Variants in RIC1 observed in about 807,000 individuals in gnomAD.
RIC1 encodes RIC1 partner of RAB6A GEF complex, also known as guanine nucleotide exchange factor subunit RIC1.
Under a neutral mutation model 169.0 loss-of-function variants are expected in RIC1, and 88 were observed. The observed-to-expected ratio is 0.52, with a 90% CI of 0.44 to 0.62. The LOEUF (loss-of-function observed/expected upper bound fraction) is 0.62, where lower values mean the gene tolerates loss of function less well. RIC1 is among the 20% of genes least tolerant of loss of function. RIC1 has a pLI of 0.00. For missense variants in RIC1, 1,877 were observed against 1,725.5 expected, an observed-to-expected ratio of 1.09 and a Z score of -1.56; for synonymous variants, 790 against 601.5, an observed-to-expected ratio of 1.31 and a Z score of -4.59.
chr9:5,688,221 C>G (rs1821369411), intron 2 of RIC1, among the ~76,000 whole-genome samples: 2 of 152,182 alleles, frequency 1.3e-5, no homozygotes, highest in Admixed American at 1.3e-4. Context: ...TCATGTTTGT[C>G]TTACTCTTCC....
intron 1 of RIC1, among the ~76,000 whole-genome samples, chr9:5,656,184 C>A (rs893317550): frequency 2.6e-5 from 4 of 152,050 alleles, no homozygotes; most frequent in Non-Finnish European, 5.9e-5. Context: ...GTTTTCTTTT[C>A]ATGTAATATC....
intron 1 of RIC1, among the ~76,000 whole-genome samples, chr9:5,631,123 T>C (rs1817694768): frequency 6.6e-6 from 1 of 152,246 alleles, no homozygotes; most frequent in African/African-American, 2.4e-5. Context: ...ACATATGCTT[T>C]AATTTAGGGA....
At chr9:5,754,816 T>C in intron 14 of RIC1, 25 bp from the exon 15 acceptor site, 2 of 1,467,938 alleles carry the variant, frequency 1.4e-6, no homozygotes, top group Admixed American at 1.9e-5. Flanking sequence ...ATAAGGTAAA[T>C]TTTTTAAAAA....
Position 5,755,350 on chromosome 9 carries a change from C to T in RIC1, c.1692+420C>T, listed in dbSNP as rs184390912. On this transcript the variant is annotated intron_variant, in intron 15 of 25. Transcript: ENST00000414202. The stretch of plus-strand genomic sequence containing the variant: ...GTTAATAGTACTGAACCCTATATAG[C>T]ACTATCTTTTTTCCTATACATACAT... Among the ~76,000 whole-genome samples the T allele has an allele frequency of 3.0e-4, 46 of 152,238 alleles. 1 individual carries two copies. The East Asian group carries it at 8.5e-3, about 28-fold the overall frequency.
chr9:5,718,657 A>C (rs34368341), intron 4 of RIC1, among the ~76,000 whole-genome samples: 3,463 of 152,348 alleles, frequency 0.023, 46 homozygotes, highest in African/African-American at 0.028. Flanking sequence ...GTGCATCTAA[A>C]ACATAAACTT....
intron 6 of RIC1, among the ~76,000 whole-genome samples, chr9:5,721,823 T>C (rs549532125): frequency 2.6e-5 from 4 of 152,200 alleles, no homozygotes; most frequent in African/African-American, 9.6e-5. Context: ...AAACTGTCAG[T>C]TGTGTAAATA....
intron 1 of RIC1, among the ~76,000 whole-genome samples, chr9:5,633,043 A>G (rs776598747): frequency 3.3e-5 from 5 of 152,230 alleles, no homozygotes; most frequent in Non-Finnish European, 7.4e-5. Flanking sequence ...GTGTGTTAAT[A>G]TAAATCTTGT....
chr9:5,672,043 C>T (rs1370341156), intron 2 of RIC1, among the ~76,000 whole-genome samples: 1 of 152,192 alleles, frequency 6.6e-6, no homozygotes, highest in Non-Finnish European at 1.5e-5. Context: ...AACTCAGTTG[C>T]TGCCACACCT....
At chr9:5,662,336 T>C (rs1819503737) in intron 2 of RIC1, among the ~76,000 whole-genome samples, 1 of 152,200 alleles carries the variant, frequency 6.6e-6, no homozygotes, top group African/African-American at 2.4e-5. Context: ...AAGATGATGC[T>C]GGCCTCATAG....
chr9:5,688,287 G>A (rs1360600), intron 2 of RIC1, among the ~76,000 whole-genome samples: 44,609 of 151,886 alleles, frequency 0.29, 7,630 homozygotes, highest in East Asian at 0.61. Context: ...GTCTTAGTGC[G>A]CCTTCTAAGT....
intron 2 of RIC1, among the ~76,000 whole-genome samples, chr9:5,675,595 G>C (rs562550749): frequency 1.9e-4 from 29 of 152,078 alleles, no homozygotes; most frequent in Non-Finnish European, 2.9e-4. Flanking sequence ...AATATTTAGC[G>C]TAATATAAAA....
At chr9:5,735,083 C>G (rs1443503086) in intron 7 of RIC1, among the ~76,000 whole-genome samples, 1 of 152,118 alleles carries the variant, frequency 6.6e-6, no homozygotes, top group Non-Finnish European at 1.5e-5. Context: ...TATTATTTCT[C>G]TTTAGTTACC....
rs530300138 is a variant in RIC1 at position 5,745,924 on chromosome 9, C to T, written c.1096-7C>T. 1.9e-6 allele frequency: 3 copies of T among 1,608,972 alleles called. No individual in the cohort carries two copies. Among genetic ancestry groups the T allele is most frequent in the Non-Finnish European group, 1.7e-6 (2 of 1,176,274 alleles). ...TGACTTTTTTTCTCCCTCCTCTTCT[C>T]TCTAAGAGCTGGGGTGCAGAAGGCT... is the stretch of plus-strand genomic sequence containing the variant. On this transcript the variant is annotated splice_region_variant and splice_polypyrimidine_tract_variant and intron_variant, in intron 10 of 25. Transcript: ENST00000414202.
At chr9:5,738,259 G>C (rs960848813) in intron 7 of RIC1, among the ~76,000 whole-genome samples, 191 bp from the exon 8 acceptor site, 2 of 152,064 alleles carry the variant, frequency 1.3e-5, no homozygotes, top group African/African-American at 4.8e-5. Flanking sequence ...TAATTTCTGG[G>C]ATATATCTGG....
chr9:5,665,337 T>C (rs1819690276), intron 2 of RIC1, among the ~76,000 whole-genome samples: 1 of 152,176 alleles, frequency 6.6e-6, no homozygotes, highest in African/African-American at 2.4e-5. Flanking sequence ...ACTTGGCACG[T>C]CCTGTATTGT....
At chr9:5,702,761 G>A (rs1367899218) in intron 3 of RIC1, among the ~76,000 whole-genome samples, 2 of 152,122 alleles carry the variant, frequency 1.3e-5, no homozygotes, top group Admixed American at 1.3e-4. Flanking sequence ...TGCCCAGGCT[G>A]GTCTCGAACT....
chr9:5,697,009 G>A (rs937589828), intron 3 of RIC1, among the ~76,000 whole-genome samples: 11 of 152,158 alleles, frequency 7.2e-5, no homozygotes, highest in South Asian at 4.1e-4. Flanking sequence ...AGTCAGAACC[G>A]AAATGTCTCC....
chr9:5,687,482 G>T (rs1226106166), intron 2 of RIC1, among the ~76,000 whole-genome samples: 1 of 152,028 alleles, frequency 6.6e-6, no homozygotes. Flanking sequence ...GTATTTTAAG[G>T]CTGTAAATTT....
intron 4 of RIC1, among the ~76,000 whole-genome samples, chr9:5,717,915 C>T (rs976349652): frequency 4.1e-5 from 6 of 144,768 alleles, no homozygotes; most frequent in Non-Finnish European, 3.0e-5. Context: ...CAAGGTGGGT[C>T]GATCACCTGA....
Sources: allele counts gnomAD v4.1 joint callset (sites outside exome capture counted in the v4.1 genomes callset), GRCh38; gene constraint gnomAD v4.1.1; transcripts MANE v1.5; gene names NCBI Gene and HGNC (gene_info 2026-07-23, HGNC 2026-07-21).